AHCYL2: variants seen among roughly 807,000 people sequenced by gnomAD.
AHCYL2 encodes adenosylhomocysteinase like 2.
Under a neutral mutation model 81.4 loss-of-function variants are expected in AHCYL2, and 28 were observed. The ratio of observed to expected loss-of-function variants is 0.34; its 90% CI spans 0.25 to 0.47. The LOEUF (loss-of-function observed/expected upper bound fraction) is 0.47, where lower values mean the gene tolerates loss of function less well. AHCYL2 is among the 20% of genes least tolerant of loss of function. AHCYL2 has a pLI of 1.00. For synonymous variants in AHCYL2, 272 were observed against 290.2 expected (o/e 0.94, Z 0.64); for missense variants, 551 against 785.1 (o/e 0.70, Z 3.56).
At chr7:129,399,952 C>G (rs1214123166) in intron 5 of AHCYL2, among the ~76,000 whole-genome samples, 1 of 152,092 alleles carries the variant, frequency 6.6e-6, no homozygotes, top group Non-Finnish European at 1.5e-5. Flanking sequence ...CCTTGAACTC[C>G]TAACCTCAGG....
chr7:129,425,248 C>T, intron 15 of AHCYL2, 107 bp downstream of exon 15: 1 of 920,384 alleles, frequency 1.1e-6, no homozygotes, highest in East Asian at 2.5e-5. Context: ...AAAAAAGGTA[C>T]CTTCATCTTG....
chr7:129,263,417 G>T (rs1795710681), intron 1 of AHCYL2, among the ~76,000 whole-genome samples: 1 of 152,186 alleles, frequency 6.6e-6, no homozygotes, highest in Non-Finnish European at 1.5e-5. Context: ...TGGACCAGTT[G>T]TCTAATTCTC....
chr7:129,423,157 C>T (rs2150967976), intron 13 of AHCYL2, among the ~76,000 whole-genome samples: 1 of 152,304 alleles, frequency 6.6e-6, no homozygotes, highest in African/African-American at 2.4e-5. Context: ...CCTGTCTCTC[C>T]ACGTCAATCC....
intron 1 of AHCYL2, among the ~76,000 whole-genome samples, chr7:129,243,328 T>C (rs970875165): frequency 4.6e-5 from 7 of 151,630 alleles, no homozygotes; most frequent in African/African-American, 1.7e-4. Flanking sequence ...CAGCCGACTA[T>C]ATTGTTTCTA....
chr7:129,301,948 A>G (rs1044985434), intron 1 of AHCYL2, among the ~76,000 whole-genome samples: 1 of 151,822 alleles, frequency 6.6e-6, no homozygotes, highest in Non-Finnish European at 1.5e-5. Flanking sequence ...CCCTATTATT[A>G]CACTGATTCT....
intron 11 of AHCYL2, among the ~76,000 whole-genome samples, chr7:129,412,306 T>G (rs1323028665): frequency 6.6e-6 from 1 of 151,778 alleles, no homozygotes; most frequent in Non-Finnish European, 1.5e-5. Context: ...ACTTTTTTTT[T>G]TTTTTTTCGA....
intron 1 of AHCYL2, among the ~76,000 whole-genome samples, chr7:129,281,954 C>G (rs967257383): frequency 6.6e-6 from 1 of 152,172 alleles, no homozygotes; most frequent in Non-Finnish European, 1.5e-5. Context: ...AGAAACACTT[C>G]CTAATTTCCC....
chr7:129,246,045 T>C (rs555453774), intron 1 of AHCYL2, among the ~76,000 whole-genome samples: 35 of 152,146 alleles, frequency 2.3e-4, no homozygotes, highest in Non-Finnish European at 3.1e-4. Flanking sequence ...CTAATAGGTG[T>C]GAAGTATGTT....
intron 1 of AHCYL2, among the ~76,000 whole-genome samples, chr7:129,263,062 T>C (rs550050445): frequency 6.6e-6 from 1 of 152,226 alleles, no homozygotes; most frequent in Admixed American, 6.5e-5. Flanking sequence ...AAGCTGGGGA[T>C]GTGATCAAAA....
At chr7:129,417,089 C>T (rs994221163) in intron 12 of AHCYL2, among the ~76,000 whole-genome samples, 23 of 152,050 alleles carry the variant, frequency 1.5e-4, no homozygotes, top group African/African-American at 5.3e-4. Flanking sequence ...CGTGCCAGTG[C>T]GCACCAGCCT....
At chr7:129,251,022 C>G (rs1009782576) in intron 1 of AHCYL2, among the ~76,000 whole-genome samples, 1 of 152,186 alleles carries the variant, frequency 6.6e-6, no homozygotes, top group South Asian at 2.1e-4. Context: ...ATAATTTTCC[C>G]TTCTATGGGG....
intron 1 of AHCYL2, among the ~76,000 whole-genome samples, chr7:129,283,062 T>G (rs1796505101): frequency 1.3e-5 from 2 of 152,170 alleles, no homozygotes; most frequent in South Asian, 4.1e-4. Context: ...AGTTCCTACA[T>G]GCACTCACTG....
chr7:129,359,833 C>T (rs1218382067), intron 1 of AHCYL2, among the ~76,000 whole-genome samples: 1 of 152,188 alleles, frequency 6.6e-6, no homozygotes, highest in African/African-American at 2.4e-5. Context: ...TTCTACAGGT[C>T]TTAGGGAGTA....
rs77628395 is a variant in AHCYL2, at chr7:129,247,267, G to A, written c.363+21828G>A. 4.2e-3 allele frequency among the ~76,000 whole-genome samples: 638 copies of A among 152,222 alleles called. 2 individuals carry two copies. The highest frequency in any genetic ancestry group is 0.01 in the Middle Eastern group (3 of 294). On this transcript the variant is annotated intron_variant, in intron 1 of 16. Transcript: ENST00000325006. The stretch of plus-strand genomic sequence containing the variant: ...GTCAGTCTTTTTGATGATAACCATC[G>A]AAGCAGTTGTATAGTGCTATGTCAT...
Position 129,368,133 on chromosome 7 carries a change from G to A in AHCYL2, c.364-11505G>A. 9.6e-7 allele frequency: 1 copy of A among 1,044,632 alleles called. No homozygotes were observed. Among genetic ancestry groups the A allele is most frequent in the South Asian group, 4.0e-5 (1 of 24,782 alleles). The allele number at this position is 1,044,632 out of a possible 1,614,324, so 64.7% of individuals were successfully genotyped here. A position where few individuals can be genotyped will look rare whatever the true frequency, so the allele number is the denominator to read the frequency against. ...GCCTCACACACAGGGAAAGAAGGAAGTCCAACTATTGCTGCAGAAAGTCCC... is the reference window on the plus strand; with the variant it reads ...GCCTCACACACAGGGAAAGAAGGAAATCCAACTATTGCTGCAGAAAGTCCC... On this transcript the variant is annotated intron_variant, in intron 1 of 16. Coordinates refer to ENST00000325006, the MANE Select transcript of AHCYL2 (RefSeq NM_015328.4). The surrounding 1 kb of genome is among the most constrained non-coding windows in gnomAD (Gnocchi z 4.4).
intron 1 of AHCYL2, among the ~76,000 whole-genome samples, chr7:129,374,813 A>C (rs1011007080): frequency 1.3e-5 from 2 of 151,798 alleles, no homozygotes; most frequent in Non-Finnish European, 2.9e-5. Context: ...ATCTCAAAAA[A>C]AAAAAAAAAA....
At position 129,225,427 on chromosome 7, in the gene AHCYL2, C is replaced by A; in HGVS notation, c.351C>A (p.Arg117=). 1 of 1,515,222 alleles carries A rather than the reference C, an allele frequency of 6.6e-7. No homozygotes were observed. The highest frequency in any genetic ancestry group is 8.8e-7 in the Non-Finnish European group (1 of 1,137,312). 93.9% of individuals were successfully genotyped at this position (1,515,222 alleles called of 1,614,324 possible). The change falls in exon 1 of 17, where the codon CGC becomes CGA. Residue 117 remains arginine, a synonymous_variant. Coordinates refer to ENST00000325006, the MANE Select transcript of AHCYL2 (RefSeq NM_015328.4). ...ACGGCACCGTCACCGAGGCGCCGCG[C>A]ACAGTCAAGAAGGTACTGGGGCCGG... is the stretch of plus-strand genomic sequence containing the variant. The part of the protein sequence containing the change: ...SPDGTVTEAP[R]TVKKQIQFAD...
chr7:129,368,733 C>A lies in AHCYL2; in HGVS notation c.364-10905C>A, dbSNP rs1301196944. Among the ~76,000 whole-genome samples, 3 of 152,140 alleles carry A rather than the reference C, an allele frequency of 2.0e-5. No homozygotes were observed. The highest frequency in any genetic ancestry group is 4.8e-5 in the African/African-American group (2 of 41,422). On this transcript the variant is annotated intron_variant, in intron 1 of 16. Transcript: ENST00000325006. This position sits in a 1 kb window ranked among gnomAD's most constrained non-coding sequence, Gnocchi z 4.4. ...TAGGTCACCACTGTTTCTTAATTAT[C>A]CACGAAGCTGGGAAAGGTGTGAGAG...
chr7:129,236,078 A>G (rs1794634912), intron 1 of AHCYL2, among the ~76,000 whole-genome samples: 1 of 149,944 alleles, frequency 6.7e-6, no homozygotes, highest in Non-Finnish European at 1.5e-5. Flanking sequence ...CTGGAGTGCA[A>G]TGGCACGGTC....
Sources: gnomAD v4.1 joint callset for allele counts (sites outside exome capture counted in the v4.1 genomes callset) on GRCh38, gnomAD v4.1.1 for gene constraint, Gnocchi (gnomAD v3.1) non-coding constraint, MANE v1.5 for transcripts, NCBI Gene and HGNC (gene_info 2026-07-23, HGNC 2026-07-21) for gene names.